Variants in TMEM168 observed in about 807,000 individuals in gnomAD.
The protein encoded by TMEM168 is transmembrane protein 168.
TMEM168 carries 40 observed loss-of-function variants against 53.2 expected under a neutral mutation model. The ratio of observed to expected loss-of-function variants is 0.75; its 90% CI spans 0.58 to 0.98. TMEM168 has a LOEUF of 0.98. Ranked by LOEUF, TMEM168 falls within the 50% of genes least tolerant of loss-of-function variation. TMEM168 has a pLI of 0.00. For missense variants in TMEM168, 771 were observed against 828.8 expected (o/e 0.93, Z 0.86); for synonymous variants, 282 against 293.0 (o/e 0.96, Z 0.38).
intron 2 of TMEM168, chr7:112,778,566 T>C (rs1409081237): frequency 1.3e-5 from 2 of 152,204 alleles, no homozygotes; most frequent in Non-Finnish European, 2.9e-5. Context: ...TCTAAACCAG[T>C]GCTTCTCAAT....
At position 112,775,246 on chromosome 7, in the gene TMEM168, G is replaced by C; in HGVS notation, c.1201C>G (p.His401Asp). 6.2e-7 allele frequency: 1 copy of C among 1,613,722 alleles called. No individual in the cohort carries two copies. Among genetic ancestry groups the C allele is most frequent in the Non-Finnish European group, 8.5e-7 (1 of 1,179,836 alleles). ...CCTCCTAAACAGTTACCCAATTCAT[G>C]GAAGAGCCCATGAGCCATGGATTCC... ...PLESMAHGLF[H>D]ELGNCLGGTS... Residue 401 changes from histidine to aspartate, a missense_variant, in exon 3 of 5, where the codon CAT becomes GAT. Physicochemically the swap from His to Asp is moderately conservative, Grantham distance 81. Transcript: ENST00000312814.
intron 4 of TMEM168, among the ~76,000 whole-genome samples, chr7:112,770,011 C>T (rs1157171102): frequency 6.6e-6 from 1 of 152,130 alleles, no homozygotes; most frequent in African/African-American, 2.4e-5. Context: ...TGTGATGTTT[C>T]CTATTTCAAA....
intron 2 of TMEM168, among the ~76,000 whole-genome samples, chr7:112,781,775 G>A (rs1793239578): frequency 6.6e-6 from 1 of 150,760 alleles, no homozygotes; most frequent in East Asian, 1.9e-4. Flanking sequence ...AAATGTAACA[G>A]TTAAAACAAT....
chr7:112,789,739 T>C (rs1325420867), intron 1 of TMEM168, among the ~76,000 whole-genome samples: 1 of 152,230 alleles, frequency 6.6e-6, no homozygotes, highest in East Asian at 1.9e-4. Context: ...AAACAGGGAA[T>C]TTCAGTGCTT....
At chr7:112,787,482 C>T (rs984669274) in intron 1 of TMEM168, among the ~76,000 whole-genome samples, 14 of 152,068 alleles carry the variant, frequency 9.2e-5, no homozygotes, top group African/African-American at 2.9e-4. Flanking sequence ...CGGGTTCAGG[C>T]GATTCTCCTG....
At chr7:112,780,705 C>T (rs1423952331) in intron 2 of TMEM168, among the ~76,000 whole-genome samples, 1 of 152,132 alleles carries the variant, frequency 6.6e-6, no homozygotes, top group African/African-American at 2.4e-5. Flanking sequence ...GCCCACACTG[C>T]AGAGCAAGAC....
chr7:112,764,434 G>A lies in TMEM168; in HGVS notation c.*2763C>T, dbSNP rs1245161860. On this transcript the variant is annotated 3_prime_UTR_variant, in exon 5 of 5. Coordinates refer to ENST00000312814, the MANE Select transcript of TMEM168 (RefSeq NM_022484.6). ...GTCAGATCTATTTTTCAATCTTTAG[G>A]TGAAAGTAACCAATCACTTTATTCT... is the stretch of plus-strand genomic sequence containing the variant. 6.6e-6 allele frequency: 1 copy of A among 151,206 alleles called. No homozygotes were observed. The highest frequency in any genetic ancestry group is 2.4e-5 in the African/African-American group (1 of 41,132). The allele number at this position is 151,206 out of a possible 1,614,324, so 9.4% of individuals were successfully genotyped here.
intron 4 of TMEM168, 150 bp from the exon 5 acceptor site, chr7:112,767,894 G>A: frequency 4.9e-6 from 3 of 615,300 alleles, no homozygotes; most frequent in Non-Finnish European, 7.9e-6. Context: ...AAAAAATAAA[G>A]TATTTAAATG....
At position 112,765,927 on chromosome 7, in the gene TMEM168, TA is replaced by T. The variant is rs34377963; in HGVS notation, c.*1269del. On this transcript the variant is annotated 3_prime_UTR_variant, in exon 5 of 5. Transcript: ENST00000312814. ...GCATTATTTCCTCTTTCTGAGGCTA[TA>T]AAAAAATGGCTTCAATGGTGAGAAG... is the stretch of plus-strand genomic sequence containing the variant. 62,743 of 152,328 alleles carry T rather than the reference TA, an allele frequency of 0.41. 16,326 individuals carry two copies. Among genetic ancestry groups the T allele is most frequent in the African/African-American group, 0.74 (30,614 of 41,416 alleles). 9.4% of individuals were successfully genotyped at this position (152,328 alleles called of 1,614,324 possible). A position where few individuals can be genotyped will look rare whatever the true frequency, so the allele number is the denominator to read the frequency against.
chr7:112,767,516 C>T lies in TMEM168; in HGVS notation c.1775G>A (p.Trp592Ter). The part of the protein sequence containing the change: ...PPQLGDFTKD[W>*]VEYNCNSSNN... ...ACTGGAGTTGCAGTTATATTCTACC[C>T]AGTCTTTTGTAAAGTCACCTAGCTG... The change falls in exon 5 of 5, where the codon TGG becomes TAG. Residue 592 changes from tryptophan (W) to a stop codon, truncating the protein, a stop_gained. Coordinates refer to ENST00000312814, the MANE Select transcript of TMEM168 (RefSeq NM_022484.6). LOFTEE classifies it high-confidence loss of function. The T allele has an allele frequency of 3.7e-6, 6 of 1,614,148 alleles. No individual in the cohort carries two copies. The highest frequency in any genetic ancestry group is 5.1e-6 in the Non-Finnish European group (6 of 1,180,022).
At chr7:112,767,931 A>G (rs1395263439) in intron 4 of TMEM168, among the ~76,000 whole-genome samples, 187 bp from the exon 5 acceptor site, 1 of 152,200 alleles carries the variant, frequency 6.6e-6, no homozygotes, top group African/African-American at 2.4e-5. Flanking sequence ...TTTTGAAAAG[A>G]TATTTTTTAC....
chr7:112,775,359 T>C (rs751687030), intron 2 of TMEM168, 41 bp from the exon 3 acceptor site: 3 of 1,525,170 alleles, frequency 2.0e-6, no homozygotes, highest in Non-Finnish European at 2.7e-6. Context: ...TACATGTACA[T>C]ATGTGTATAT....
chr7:112,780,943 C>CAAAAAAAAA, intron 2 of TMEM168, among the ~76,000 whole-genome samples: 1 of 60,016 alleles, frequency 1.7e-5, no homozygotes, highest in Non-Finnish European at 3.4e-5. Flanking sequence ...TGATCCGTAT[C>CAAAAAAAAA]AAAAAAAAAA....
intron 3 of TMEM168, among the ~76,000 whole-genome samples, chr7:112,773,440 ATAT>A (rs913575576): frequency 6.6e-6 from 1 of 152,038 alleles, no homozygotes; most frequent in Non-Finnish European, 1.5e-5. Flanking sequence ...TTCTTTAAAA[ATAT>A]TATAACACAA....
chr7:112,772,929 G>A lies in TMEM168; in HGVS notation c.1398C>T (p.Asp466=). The part of the protein sequence containing the change: ...AYHMIETYGC[D]YSTSGLSFDT... Reference sequence around the variant, plus strand: ...CAAATGACAGTCCACTTGTGGAATAGTCACATCCATAGGTCTCAATCATAT... The same window carrying A: ...CAAATGACAGTCCACTTGTGGAATAATCACATCCATAGGTCTCAATCATAT... Residue 466 remains aspartate (D), a synonymous_variant, in exon 4 of 5, where the codon GAC becomes GAT. Coordinates refer to ENST00000312814, the MANE Select transcript of TMEM168 (RefSeq NM_022484.6). 6.2e-7 allele frequency: 1 copy of A among 1,614,082 alleles called. No homozygotes were observed. The highest frequency in any genetic ancestry group is 1.1e-5 in the South Asian group (1 of 91,088).
intron 3 of TMEM168, among the ~76,000 whole-genome samples, chr7:112,774,377 T>G (rs1393223463): frequency 1.3e-5 from 2 of 149,114 alleles, no homozygotes; most frequent in Non-Finnish European, 3.0e-5. Context: ...TTTTTTTTTT[T>G]TTTTTTTTAG....
Position 112,784,767 on chromosome 7 carries a change from A to G in TMEM168, c.59T>C (p.Leu20Pro). 1 of 1,610,710 alleles carries G rather than the reference A, an allele frequency of 6.2e-7. No homozygotes were observed. The highest frequency in any genetic ancestry group is 8.5e-7 in the Non-Finnish European group (1 of 1,179,254). ...SHCLYLAMTR[L>P]EEVNREVNMH... ...GTTCACTTCTCTATTTACTTCTTCC[A>G]GTCTTGTCATTGCTAAATAGAGACA... is the stretch of plus-strand genomic sequence containing the variant. Residue 20 changes from leucine (L) to proline (P), a missense_variant, in exon 2 of 5, where the codon CTG becomes CCG. Coordinates refer to ENST00000312814, the MANE Select transcript of TMEM168 (RefSeq NM_022484.6).
Position 112,767,627 on chromosome 7 carries a change from T to C in TMEM168, c.1664A>G (p.Glu555Gly), listed in dbSNP as rs1003212465. Residue 555 changes from glutamate (E) to glycine (G), a missense_variant, in exon 5 of 5, where the codon GAA becomes GGA. Glu to Gly is a moderately conservative substitution (Grantham distance 98). Transcript: ENST00000312814. Reference protein sequence around the residue: ...DSENSTPWVKEVRKINDQYIA... With the variant: ...DSENSTPWVKGVRKINDQYIA... Reference sequence around the variant, plus strand: ...ATACTGGTCATTAATTTTCCTCACTTCTTTCACCCAAGGGGTTGAATTTTC... The same window carrying C: ...ATACTGGTCATTAATTTTCCTCACTCCTTTCACCCAAGGGGTTGAATTTTC... 3.0e-5 allele frequency: 48 copies of C among 1,613,996 alleles called. No homozygotes were observed. The highest frequency in any genetic ancestry group is 3.7e-5 in the Non-Finnish European group (44 of 1,180,016).
intron 2 of TMEM168, among the ~76,000 whole-genome samples, chr7:112,782,229 T>G (rs995979207): frequency 2.6e-5 from 4 of 152,144 alleles, no homozygotes; most frequent in African/African-American, 7.2e-5. Flanking sequence ...GAATGGAAGG[T>G]GAGAATCAGG....
Sources: gnomAD v4.1 joint callset for allele counts (sites outside exome capture counted in the v4.1 genomes callset) on GRCh38, gnomAD v4.1.1 for gene constraint, MANE v1.5 for transcripts, NCBI Gene and HGNC (gene_info 2026-07-23, HGNC 2026-07-21) for gene names.